The following MGMT variants were observed in gnomAD, a reference collection of about 807,000 sequenced individuals.
MGMT encodes the protein methylated-DNA--protein-cysteine methyltransferase.
In MGMT, 14 loss-of-function variants were observed where a neutral mutation model predicts 15.9. That is an observed-to-expected ratio of 0.88 (90% CI 0.58 to 1.37). The LOEUF (loss-of-function observed/expected upper bound fraction) is 1.37, where lower values mean the gene tolerates loss of function less well. Among genes scored for constraint, MGMT ranks in the 40% most tolerant of loss-of-function variants. The pLI, the probability that MGMT is intolerant of heterozygous loss-of-function variation, is 0.00. For synonymous variants in MGMT, 130 were observed against 118.2 expected (o/e 1.10, Z -0.65); for missense variants, 282 against 268.1 (o/e 1.05, Z -0.36).
intron 3 of MGMT, among the ~76,000 whole-genome samples, chr10:129,708,752 A>G (rs531294866): frequency 2.0e-5 from 3 of 152,238 alleles, no homozygotes; most frequent in African/African-American, 4.8e-5. Context: ...ATAAATGAAC[A>G]TATATTCATA....
chr10:129,536,610 TC>T, intron 2 of MGMT: 1 of 448,900 alleles, frequency 2.2e-6, no homozygotes. Context: ...GCCGTTCCCT[TC>T]ATACCCTTTC....
chr10:129,528,269 C>T (rs1256241803), intron 1 of MGMT, among the ~76,000 whole-genome samples: 1 of 152,152 alleles, frequency 6.6e-6, no homozygotes, highest in Non-Finnish European at 1.5e-5. Flanking sequence ...ACCAGCCCAA[C>T]GTTCCTGTTC....
chr10:129,567,850 C>G (rs1366307406), intron 2 of MGMT, among the ~76,000 whole-genome samples: 1 of 152,144 alleles, frequency 6.6e-6, no homozygotes, highest in African/African-American at 2.4e-5. Context: ...AATGATAGAT[C>G]ACCTAATTTT....
At chr10:129,658,350 A>C (rs555647069) in intron 2 of MGMT, among the ~76,000 whole-genome samples, 1 of 152,238 alleles carries the variant, frequency 6.6e-6, no homozygotes, top group South Asian at 2.1e-4. Flanking sequence ...TTGCTACTCT[A>C]TTTGTTTTAT....
intron 2 of MGMT, among the ~76,000 whole-genome samples, chr10:129,696,120 A>T (rs186130248): frequency 5.8e-4 from 88 of 152,204 alleles, no homozygotes; most frequent in African/African-American, 2.0e-3. Context: ...CCCTTTATTA[A>T]TGACCCCCTG....
At chr10:129,500,993 G>A (rs575563956) in intron 1 of MGMT, among the ~76,000 whole-genome samples, 1 of 152,220 alleles carries the variant, frequency 6.6e-6, no homozygotes, top group Non-Finnish European at 1.5e-5. Flanking sequence ...GAGTTGTACA[G>A]ACTTGTAGAG....
intron 2 of MGMT, among the ~76,000 whole-genome samples, chr10:129,652,578 C>A (rs978309791): frequency 3.3e-5 from 5 of 152,248 alleles, no homozygotes; most frequent in African/African-American, 4.8e-5. Flanking sequence ...AAGAAAGCAT[C>A]GGCACTCAGA....
intron 2 of MGMT, among the ~76,000 whole-genome samples, chr10:129,655,830 A>G (rs1016183164): frequency 1.3e-5 from 2 of 152,200 alleles, no homozygotes; most frequent in African/African-American, 4.8e-5. Flanking sequence ...CATGGTAAAC[A>G]CACAGCGCAT....
rs373133232 is a variant in MGMT, at chr10:129,768,235, G to A, written c.*1238G>A. ...ATCTTAACACCAACGAAAGAAAACC[G>A]ATTTCAGACGTTTTTCGCTGATTTA... On this transcript the variant is annotated 3_prime_UTR_variant, in exon 5 of 5. Transcript: ENST00000651593. Among the ~76,000 whole-genome samples the A allele has an allele frequency of 1.7e-3, 252 of 152,332 alleles. 1 individual carries two copies. Among genetic ancestry groups the A allele is most frequent in the Non-Finnish European group, 2.9e-4 (20 of 68,034 alleles).
intron 2 of MGMT, among the ~76,000 whole-genome samples, chr10:129,592,695 GA>G (rs1209028388): frequency 1.3e-5 from 2 of 152,108 alleles, no homozygotes; most frequent in South Asian, 2.1e-4. Context: ...GCCCTGTATG[GA>G]AACAGACTGA....
chr10:129,628,162 A>G (rs1589902151), intron 2 of MGMT, among the ~76,000 whole-genome samples: 1 of 152,314 alleles, frequency 6.6e-6, no homozygotes, highest in Admixed American at 6.5e-5. Context: ...TTTCTACCGA[A>G]GATGCTTTTG....
At chr10:129,633,176 G>T (rs1417997637) in intron 2 of MGMT, among the ~76,000 whole-genome samples, 1 of 152,100 alleles carries the variant, frequency 6.6e-6, no homozygotes, top group African/African-American at 2.4e-5. Context: ...CTTTGAAAAA[G>T]TATACTCTAG....
intron 2 of MGMT, among the ~76,000 whole-genome samples, chr10:129,672,013 C>G (rs188700415): frequency 3.5e-4 from 54 of 152,294 alleles, no homozygotes; most frequent in Admixed American, 1.6e-3. Context: ...AGAGTTTATT[C>G]TTTAAGAAAT....
chr10:129,653,953 C>T (rs1564749685), intron 2 of MGMT, among the ~76,000 whole-genome samples: 1 of 152,012 alleles, frequency 6.6e-6, no homozygotes, highest in Non-Finnish European at 1.5e-5. Flanking sequence ...TTTGGGGATG[C>T]GGGGAGAACT....
At chr10:129,546,640 A>T (rs1435582543) in intron 2 of MGMT, among the ~76,000 whole-genome samples, 1 of 152,208 alleles carries the variant, frequency 6.6e-6, no homozygotes, top group Non-Finnish European at 1.5e-5. Flanking sequence ...GAATGGAGCC[A>T]GGAGGCTGGA....
At chr10:129,586,470 GT>G (rs1017003135) in intron 2 of MGMT, among the ~76,000 whole-genome samples, 1 of 152,066 alleles carries the variant, frequency 6.6e-6, no homozygotes, top group African/African-American at 2.4e-5. Context: ...AAATTTTCTC[GT>G]TTTATGAATG....
rs1172173096 is a variant in MGMT at position 129,521,852 on chromosome 10, A to C, written c.-12-14389A>C. Among the ~76,000 whole-genome samples, 7 of 152,224 alleles carry C rather than the reference A, an allele frequency of 4.6e-5. No homozygotes were observed. In the East Asian group the frequency reaches 1.3e-3, roughly 29 times the overall value. Reference sequence around the variant, plus strand: ...CCCGGTGCTAGTGCCAGCATGGTACAGGAGTCGCAGCTCCAGGAGGACATG... The same window carrying C: ...CCCGGTGCTAGTGCCAGCATGGTACCGGAGTCGCAGCTCCAGGAGGACATG... On this transcript the variant is annotated intron_variant, in intron 1 of 4. Coordinates refer to ENST00000651593, the MANE Select transcript of MGMT (RefSeq NM_002412.5).
chr10:129,491,626 A>G (rs1004931375), intron 1 of MGMT, among the ~76,000 whole-genome samples: 1 of 151,374 alleles, frequency 6.6e-6, no homozygotes, highest in African/African-American at 2.4e-5. Context: ...TTTTCTTTCC[A>G]TTCCTTTCCC....
intron 3 of MGMT, among the ~76,000 whole-genome samples, chr10:129,755,754 T>C (rs1250855006): frequency 6.6e-6 from 1 of 152,252 alleles, no homozygotes; most frequent in Non-Finnish European, 1.5e-5. Context: ...GCTCTGAGCC[T>C]GGCCGTGTGC....
Sources: allele counts gnomAD v4.1 joint callset (sites outside exome capture counted in the v4.1 genomes callset), GRCh38; gene constraint gnomAD v4.1.1; transcripts MANE v1.5; gene names NCBI Gene and HGNC (gene_info 2026-07-23, HGNC 2026-07-21).